The following CMIP variants were observed in gnomAD, a reference collection of about 807,000 sequenced individuals.
The protein encoded by CMIP is C-Maf-inducing protein.
In CMIP, 13 loss-of-function variants were observed where a neutral mutation model predicts 97.3. That is an observed-to-expected ratio of 0.13 (90% confidence interval 0.09 to 0.21). CMIP has a LOEUF of 0.21. Ranked by LOEUF, CMIP falls within the 10% of genes least tolerant of loss-of-function variation. The pLI, the probability that CMIP is intolerant of heterozygous loss-of-function variation, is 1.00. For missense variants in CMIP, 847 were observed against 1,024.9 expected (o/e 0.83, Z 2.37); for synonymous variants, 538 against 436.3 (o/e 1.23, Z -2.91).
At position 81,696,647 on chromosome 16, in the gene CMIP, G is replaced by A; in HGVS notation, c.1618G>A (p.Gly540Arg). The change falls in exon 14 of 21, where the codon GGG becomes AGG. Residue 540 changes from glycine to arginine, a missense_variant. By Grantham distance (125) the Gly-to-Arg change is moderately radical. Coordinates refer to ENST00000537098, the MANE Select transcript of CMIP (RefSeq NM_198390.3). ...SPGGVACDDD[G>R]ELFASMVHIL... ...CGGAGGGGTGGCCTGCGACGATGAC[G>A]GGGAGCTGTTCGCCAGCATGGTACG... 1 of 1,606,662 alleles carries A rather than the reference G, an allele frequency of 6.2e-7. No homozygotes were observed.
intron 1 of CMIP, among the ~76,000 whole-genome samples, chr16:81,550,950 A>ACACCCCAGTCCCGTCACACG (rs1254538442): frequency 1.7e-5 from 2 of 119,438 alleles, no homozygotes; most frequent in Non-Finnish European, 3.4e-5. Context: ...TCCGTCACAC[A>ACACCCCAGTCCCGTCACACG]CACCCCAGTC....
chr16:81,526,721 G>C (rs2090140636), intron 1 of CMIP, among the ~76,000 whole-genome samples: 1 of 152,216 alleles, frequency 6.6e-6, no homozygotes, highest in Non-Finnish European at 1.5e-5. Context: ...AAAAAGCTTA[G>C]GAAGCCCACT....
intron 1 of CMIP, among the ~76,000 whole-genome samples, chr16:81,506,586 C>T (rs928052170): frequency 1.3e-5 from 2 of 152,174 alleles, no homozygotes; most frequent in African/African-American, 4.8e-5. Flanking sequence ...AAAAGTCTTC[C>T]GAATAGAAAG....
At chr16:81,597,675 C>G (rs1461111707) in intron 1 of CMIP, among the ~76,000 whole-genome samples, 1 of 152,112 alleles carries the variant, frequency 6.6e-6, no homozygotes, top group Non-Finnish European at 1.5e-5. Flanking sequence ...CCTCCACCAA[C>G]TCCGTGGGGC....
At chr16:81,503,222 A>G (rs1255181940) in intron 1 of CMIP, among the ~76,000 whole-genome samples, 1 of 152,122 alleles carries the variant, frequency 6.6e-6, no homozygotes, top group Admixed American at 6.5e-5. Flanking sequence ...ACCGGGATAC[A>G]TGGTTACCCT....
At chr16:81,601,747 G>C (rs560602022) in intron 1 of CMIP, among the ~76,000 whole-genome samples, 4 of 152,074 alleles carry the variant, frequency 2.6e-5, no homozygotes, top group Admixed American at 2.0e-4. Context: ...AGCGTCCCCC[G>C]GGGCCAGAAC....
At chr16:81,529,459 G>A (rs1244627297) in intron 1 of CMIP, among the ~76,000 whole-genome samples, 1 of 152,186 alleles carries the variant, frequency 6.6e-6, no homozygotes, top group Non-Finnish European at 1.5e-5. Flanking sequence ...TCGAGGAGAT[G>A]GGCTGTGAAA....
At chr16:81,699,911 G>A (rs749439441) in intron 15 of CMIP, 110 bp downstream of exon 15, 1 of 707,540 alleles carries the variant, frequency 1.4e-6, no homozygotes, top group Non-Finnish European at 2.5e-6. Flanking sequence ...GGGGGGCAGT[G>A]GGTGAGGCGT....
At chr16:81,457,744 G>A (rs558053327) in intron 1 of CMIP, among the ~76,000 whole-genome samples, 3 of 152,330 alleles carry the variant, frequency 2.0e-5, no homozygotes, top group South Asian at 2.1e-4. Flanking sequence ...CTCCTGCACC[G>A]TCCCACAGTC....
At chr16:81,585,862 C>T (rs1375504542) in intron 1 of CMIP, among the ~76,000 whole-genome samples, 2 of 152,126 alleles carry the variant, frequency 1.3e-5, no homozygotes, top group African/African-American at 4.8e-5. Context: ...TGGCTGTCTT[C>T]CTCTTTACTG....
At chr16:81,548,348 G>C (rs1281225594) in intron 1 of CMIP, among the ~76,000 whole-genome samples, 1 of 152,072 alleles carries the variant, frequency 6.6e-6, no homozygotes, top group Non-Finnish European at 1.5e-5. Context: ...TGTTCAGGCT[G>C]TTCTCGAACT....
At chr16:81,599,055 C>G (rs140725466) in intron 1 of CMIP, among the ~76,000 whole-genome samples, 3 of 150,040 alleles carry the variant, frequency 2.0e-5, no homozygotes, top group African/African-American at 7.4e-5. Context: ...GCAAAAAGAA[C>G]TGGTCAGTCG....
intron 7 of CMIP, chr16:81,667,390 G>T (rs1052713534): frequency 2.0e-5 from 3 of 152,206 alleles, no homozygotes; most frequent in African/African-American, 7.2e-5. Context: ...GAGTGTTCTT[G>T]TGGCAAAGGA....
At chr16:81,637,169 C>G (rs2092247857) in intron 3 of CMIP, among the ~76,000 whole-genome samples, 1 of 152,186 alleles carries the variant, frequency 6.6e-6, no homozygotes, top group South Asian at 2.1e-4. Context: ...CTCCTGGGTT[C>G]AAGCATTTCT....
At chr16:81,650,819 G>A (rs2092419551) in intron 3 of CMIP, among the ~76,000 whole-genome samples, 2 of 152,160 alleles carry the variant, frequency 1.3e-5, no homozygotes, top group South Asian at 4.2e-4. Flanking sequence ...TACAGAACAG[G>A]ACCCTAAGGC....
intron 6 of CMIP, among the ~76,000 whole-genome samples, chr16:81,663,169 C>T (rs1318357219): frequency 6.6e-6 from 1 of 151,854 alleles, no homozygotes; most frequent in Non-Finnish European, 1.5e-5. Flanking sequence ...CACACCTGTC[C>T]ACACAAACAT....
At chr16:81,517,083 A>G (rs1597495525) in intron 1 of CMIP, among the ~76,000 whole-genome samples, 3 of 151,970 alleles carry the variant, frequency 2.0e-5, no homozygotes, top group Admixed American at 1.3e-4. Context: ...ACAGCCTTCA[A>G]GGTCATCAGT....
intron 3 of CMIP, among the ~76,000 whole-genome samples, chr16:81,644,752 T>C (rs2092344509): frequency 6.6e-6 from 1 of 152,184 alleles, no homozygotes; most frequent in African/African-American, 2.4e-5. Flanking sequence ...TGTCCCCGGG[T>C]GTGCAAGGCA....
Position 81,472,597 on chromosome 16 carries a change from C to T in CMIP, c.300+27056C>T, listed in dbSNP as rs146388939. ...CTGCTCTCAGGAACCTGAGCATTCA[C>T]TGGGGGTGGCACCCGCAAATGTGTC... On this transcript the variant is annotated intron_variant, in intron 1 of 20. Coordinates refer to ENST00000537098, the MANE Select transcript of CMIP (RefSeq NM_198390.3). Among the ~76,000 whole-genome samples, 427 of 152,336 alleles carry T rather than the reference C, an allele frequency of 2.8e-3. 9 individuals are homozygous for T. Among genetic ancestry groups the T allele is most frequent in the Admixed American group, 0.025 (376 of 15,308 alleles).
Sources: gnomAD v4.1 joint callset for allele counts (sites outside exome capture counted in the v4.1 genomes callset) on GRCh38, gnomAD v4.1.1 for gene constraint, MANE v1.5 for transcripts, NCBI Gene and HGNC (gene_info 2026-07-23, HGNC 2026-07-21) for gene names.